WDR64: variants seen among roughly 807,000 people sequenced by gnomAD.
WDR64 encodes WD repeat domain 64, also known as WD repeat-containing protein 64.
WDR64 carries 112 observed loss-of-function variants against 139.3 expected under a neutral mutation model. That is an observed-to-expected ratio of 0.80 (90% CI 0.69 to 0.94). The LOEUF is 0.94. WDR64 is among the 40% of genes least tolerant of loss of function. The pLI is 0.00. For synonymous variants in WDR64, 444 were observed against 437.7 expected, an observed-to-expected ratio of 1.01 and a Z score of -0.18; for missense variants, 1,206 against 1,293.1, an observed-to-expected ratio of 0.93 and a Z score of 1.03.
At position 241,652,526 on chromosome 1, in the gene WDR64, G is replaced by C. The variant is rs1466291963; in HGVS notation, c.42G>C (p.Gln14His). ...AAAAGCGTCTCAACATGGCACTTCA[G>C]ATGAGCAATTTCAAAAAGGCTTTGA... ...RKEKRLNMAL[Q>H]MSNFKKALNR... Residue 14 changes from glutamine to histidine, a missense_variant, in exon 1 of 28, where the codon CAG (glutamine) becomes CAC (histidine). By Grantham distance (24) the Gln-to-His change is conservative. Transcript: ENST00000437684. The C allele has an allele frequency of 3.9e-6, 6 of 1,552,176 alleles. No individual in the cohort carries two copies. Among genetic ancestry groups the C allele is most frequent in the Non-Finnish European group, 5.2e-6 (6 of 1,147,130 alleles).
chr1:241,671,532 A>G (rs1401356759), intron 3 of WDR64, among the ~76,000 whole-genome samples: 2 of 152,156 alleles, frequency 1.3e-5, no homozygotes, highest in Non-Finnish European at 2.9e-5. Context: ...CTTAAAATTA[A>G]CTTTTTGAGT....
At chr1:241,767,615 C>A (rs746838106) in intron 16 of WDR64, among the ~76,000 whole-genome samples, 16 of 152,118 alleles carry the variant, frequency 1.1e-4, no homozygotes, top group Non-Finnish European at 1.8e-4. Context: ...TTGGAAAGGA[C>A]AGGAGAAAAG....
rs559552324 is a variant in WDR64, at chr1:241,687,552, CATTCAT to C, written c.932_937del (p.His311_Ser312del). 4.8e-4 allele frequency: 780 copies of C among 1,613,590 alleles called. 9 individuals carry two copies. Among genetic ancestry groups the C allele is most frequent in the Non-Finnish European group, 4.3e-5 (51 of 1,179,708 alleles). ...TGGATCCTGCTCCTTAGACAGTAAT[CATTCAT>C]TAGTTTTGGAATCCTTGAAGAGACT... On this transcript the variant is annotated inframe_deletion, in exon 8 of 28. Coordinates refer to ENST00000437684, the MANE Select transcript of WDR64 (RefSeq NM_001367482.1).
chr1:241,692,199 T>C (rs547243808), intron 8 of WDR64, among the ~76,000 whole-genome samples: 1 of 152,272 alleles, frequency 6.6e-6, no homozygotes, highest in African/African-American at 2.4e-5. Context: ...AATAGAAGAC[T>C]CACTATTGTC....
intron 8 of WDR64, among the ~76,000 whole-genome samples, chr1:241,690,403 G>A (rs913727211): frequency 3.3e-5 from 5 of 151,218 alleles, no homozygotes; most frequent in South Asian, 2.1e-4. Flanking sequence ...CCTGGGAGGC[G>A]GAGGTTGTAG....
chr1:241,796,697 T>C (rs921361888), intron 27 of WDR64, among the ~76,000 whole-genome samples: 1 of 152,206 alleles, frequency 6.6e-6, no homozygotes, highest in African/African-American at 2.4e-5. Flanking sequence ...TTTCGCCTTG[T>C]TGGCCAGGCT....
intron 14 of WDR64, among the ~76,000 whole-genome samples, chr1:241,752,841 ACT>A (rs1201466624): frequency 6.6e-6 from 1 of 152,074 alleles, no homozygotes; most frequent in African/African-American, 2.4e-5. Flanking sequence ...ACAGAGCAAG[ACT>A]CTGTCTCAAA....
intron 21 of WDR64, among the ~76,000 whole-genome samples, chr1:241,775,852 A>T (rs1166533544): frequency 6.6e-6 from 1 of 152,144 alleles, no homozygotes; most frequent in Non-Finnish European, 1.5e-5. Context: ...AATTAGAATA[A>T]AACAGCATAT....
chr1:241,674,779 C>A, intron 4 of WDR64, 32 bp downstream of exon 4: 3 of 1,324,086 alleles, frequency 2.3e-6, no homozygotes, highest in Non-Finnish European at 3.2e-6. Flanking sequence ...AACTGAATGA[C>A]TCATTTTACA....
At chr1:241,800,802 T>C (rs929511709) in intron 27 of WDR64, among the ~76,000 whole-genome samples, 2 of 152,128 alleles carry the variant, frequency 1.3e-5, no homozygotes, top group Non-Finnish European at 2.9e-5. Context: ...GCAGCACATA[T>C]ACAATATTAA....
intron 8 of WDR64, among the ~76,000 whole-genome samples, chr1:241,710,101 C>A (rs2148169685): frequency 6.6e-6 from 1 of 151,852 alleles, no homozygotes; most frequent in African/African-American, 2.4e-5. Flanking sequence ...TACACAGCAA[C>A]AAGGCCAGGT....
intron 2 of WDR64, among the ~76,000 whole-genome samples, chr1:241,668,087 C>T (rs1297774440): frequency 6.6e-6 from 1 of 152,176 alleles, no homozygotes; most frequent in East Asian, 1.9e-4. Context: ...ACTGTATTAT[C>T]TGTAATTGAC....
At chr1:241,672,272 C>T (rs979760289) in intron 3 of WDR64, among the ~76,000 whole-genome samples, 8 of 152,006 alleles carry the variant, frequency 5.3e-5, no homozygotes, top group African/African-American at 1.9e-4. Context: ...CAGAGCCTGG[C>T]TTCTGGCCAT....
chr1:241,754,311 T>C (rs1574070817), intron 14 of WDR64, among the ~76,000 whole-genome samples: 1 of 124,804 alleles, frequency 8.0e-6, no homozygotes, highest in African/African-American at 3.0e-5. Flanking sequence ...TTTTCCTTTT[T>C]TTCTTTTTCT....
chr1:241,657,135 A>G (rs900692979), intron 1 of WDR64, among the ~76,000 whole-genome samples: 1 of 152,016 alleles, frequency 6.6e-6, no homozygotes, highest in African/African-American at 2.4e-5. Flanking sequence ...GACACTTTCA[A>G]GACTGAAAGG....
chr1:241,795,247 G>C lies in WDR64; in HGVS notation c.3038G>C (p.Arg1013Thr). The C allele has an allele frequency of 6.2e-7, 1 of 1,613,760 alleles. No homozygotes were observed. The highest frequency in any genetic ancestry group is 2.2e-5 in the East Asian group (1 of 44,848). Residue 1013 changes from arginine to threonine, a missense_variant, in exon 26 of 28, where the codon AGA becomes ACA. By Grantham distance (71) the Arg-to-Thr change is moderately conservative. Transcript: ENST00000437684. ...YPLEGFVTEN[R>T]EAGIVFGSLP... ...TTGGAAGGTTTCGTGACTGAAAACA[G>C]AGAGGCAGGGATTGTTTTCGGCTCT...
At chr1:241,771,463 G>T (rs1194350359) in intron 18 of WDR64, among the ~76,000 whole-genome samples, 198 bp from the exon 19 acceptor site, 1 of 152,024 alleles carries the variant, frequency 6.6e-6, no homozygotes, top group African/African-American at 2.4e-5. Context: ...ACTGCTAGAA[G>T]AATGTTGTGT....
intron 21 of WDR64, among the ~76,000 whole-genome samples, chr1:241,776,722 A>G (rs7514880): frequency 0.16 from 24,471 of 152,198 alleles, 2,238 homozygotes; most frequent in African/African-American, 0.21. Context: ...TTATTCTTGC[A>G]TTAACTTTGC....
intron 27 of WDR64, among the ~76,000 whole-genome samples, chr1:241,797,595 T>C (rs1558529225): frequency 6.6e-6 from 1 of 152,214 alleles, no homozygotes; most frequent in Non-Finnish European, 1.5e-5. Context: ...ATTGAAAACT[T>C]TGCCATAATA....
Sources: allele counts gnomAD v4.1 joint callset (sites outside exome capture counted in the v4.1 genomes callset), GRCh38; gene constraint gnomAD v4.1.1; transcripts MANE v1.5; gene names NCBI Gene and HGNC (gene_info 2026-07-23, HGNC 2026-07-21).